The following AOAH variants were observed in gnomAD, a reference collection of about 807,000 sequenced individuals.
The protein encoded by AOAH is acyloxyacyl hydrolase, also known as acyloxyacyl hydrolase (neutrophil).
AOAH carries 64 observed loss-of-function variants against 92.2 expected under a neutral mutation model. The ratio of observed to expected loss-of-function variants is 0.69; its 90% CI spans 0.57 to 0.86. The LOEUF is 0.86. Ranked by LOEUF, AOAH falls within the 40% of genes least tolerant of loss-of-function variation. AOAH has a pLI of 0.00. For synonymous variants in AOAH, 263 were observed against 254.5 expected (o/e 1.03, Z -0.32); for missense variants, 656 against 694.6 (o/e 0.94, Z 0.62).
chr7:36,550,225 CGT>C, intron 13 of AOAH: 1 of 152,204 alleles, frequency 6.6e-6, no homozygotes, highest in Non-Finnish European at 1.5e-5. Context: ...GGCGTGGTGG[CGT>C]GCGCCTGTAA....
At chr7:36,577,565 C>T (rs933523340) in intron 12 of AOAH, among the ~76,000 whole-genome samples, 5 of 152,084 alleles carry the variant, frequency 3.3e-5, no homozygotes, top group African/African-American at 4.8e-5. Flanking sequence ...ACAGAGCTTA[C>T]GGAAAAATTT....
At chr7:36,637,742 T>C in intron 5 of AOAH, 109 bp downstream of exon 5, 1 of 959,204 alleles carries the variant, frequency 1.0e-6, no homozygotes, top group Middle Eastern at 2.1e-4. Context: ...CTATGGCATG[T>C]TGCAGGCTTA....
chr7:36,578,038 A>G (rs747258801), intron 12 of AOAH, among the ~76,000 whole-genome samples: 1 of 152,176 alleles, frequency 6.6e-6, no homozygotes, highest in Non-Finnish European at 1.5e-5. Flanking sequence ...GAGAAAACCA[A>G]TGATAGTGTT....
At chr7:36,577,731 T>C (rs1189689131) in intron 12 of AOAH, among the ~76,000 whole-genome samples, 1 of 152,236 alleles carries the variant, frequency 6.6e-6, no homozygotes, top group Non-Finnish European at 1.5e-5. Context: ...AAATGTTATG[T>C]TCTCTAAACT....
Position 36,616,370 on chromosome 7 carries a change from A to C in AOAH, c.846+10T>G. On this transcript the variant is annotated intron_variant, in intron 11 of 20. Transcript: ENST00000617537. ...GCACATCTGGAATGATTACTGCCAA[A>C]ATTACTTACCAAAGACATCTGCGAC... 1 of 1,610,656 alleles carries C rather than the reference A, an allele frequency of 6.2e-7. No individual in the cohort carries two copies. Among genetic ancestry groups the C allele is most frequent in the South Asian group, 1.1e-5 (1 of 90,896 alleles).
At chr7:36,619,657 T>G (rs932191528) in intron 9 of AOAH, among the ~76,000 whole-genome samples, 2 of 152,198 alleles carry the variant, frequency 1.3e-5, no homozygotes, top group African/African-American at 4.8e-5. Context: ...GGGGCACAGC[T>G]GTCTCTCATG....
At position 36,576,634 on chromosome 7, in the gene AOAH, G is replaced by A; in HGVS notation, c.961C>T (p.Leu321Phe). The stretch of plus-strand genomic sequence containing the variant: ...CAGTGGTTTCTTTTCCATAAGCGAA[G>A]GTAAATAGATTTTTCTTTAATTCTG... ...TVGIKEKSIY[L>F]RLWKRNHCNH... Residue 321 changes from leucine to phenylalanine, a missense_variant, in exon 13 of 21, where the codon CTT (leucine) becomes TTT (phenylalanine). Leu to Phe is a conservative substitution (Grantham distance 22). Transcript: ENST00000617537. The A allele has an allele frequency of 6.4e-7, 1 of 1,567,034 alleles. No individual in the cohort carries two copies. The highest frequency in any genetic ancestry group is 8.7e-7 in the Non-Finnish European group (1 of 1,148,316).
At chr7:36,654,717 G>A (rs1288825387) in intron 4 of AOAH, among the ~76,000 whole-genome samples, 2 of 152,160 alleles carry the variant, frequency 1.3e-5, no homozygotes, top group Non-Finnish European at 2.9e-5. Flanking sequence ...GACATAGAGC[G>A]TGCAGAGTCC....
chr7:36,693,563 G>GT (rs2116836728), intron 1 of AOAH, among the ~76,000 whole-genome samples: 1 of 152,068 alleles, frequency 6.6e-6, no homozygotes, highest in South Asian at 2.1e-4. Flanking sequence ...GATCAATAAA[G>GT]TATTAGTATT....
At chr7:36,589,513 C>G (rs1302889347) in intron 12 of AOAH, among the ~76,000 whole-genome samples, 6 of 152,206 alleles carry the variant, frequency 3.9e-5, no homozygotes, top group Non-Finnish European at 8.8e-5. Context: ...AGGAGCATCT[C>G]TCTTGAACAA....
chr7:36,608,325 T>C (rs1177594077), intron 11 of AOAH, among the ~76,000 whole-genome samples: 1 of 152,226 alleles, frequency 6.6e-6, no homozygotes, highest in Non-Finnish European at 1.5e-5. Context: ...TCAACTCTTC[T>C]GGACCTTTGA....
chr7:36,586,012 C>T (rs1389335008), intron 12 of AOAH, among the ~76,000 whole-genome samples: 2 of 152,098 alleles, frequency 1.3e-5, no homozygotes, highest in Non-Finnish European at 2.9e-5. Context: ...GGGAGAGTCC[C>T]TCCACCAGGA....
chr7:36,657,582 C>T (rs1411840232), intron 4 of AOAH, among the ~76,000 whole-genome samples: 2 of 151,974 alleles, frequency 1.3e-5, no homozygotes, highest in Admixed American at 6.6e-5. Context: ...GAGGGGGACC[C>T]GAGGCAGAGG....
In AOAH at chr7:36,676,207, A is replaced by T. The variant is rs557983376; in HGVS notation, c.224-2198T>A. On this transcript the variant is annotated intron_variant, in intron 2 of 20. Transcript: ENST00000617537. Reference sequence around the variant, plus strand: ...GTGGCTGATATGATCTTCCATGTAGAAAATCCTAAGGAATCTATTAAAAAC... The same window carrying T: ...GTGGCTGATATGATCTTCCATGTAGTAAATCCTAAGGAATCTATTAAAAAC... Among the ~76,000 whole-genome samples, 33 of 152,354 alleles carry T rather than the reference A, an allele frequency of 2.2e-4. No homozygotes were observed. In the South Asian group the frequency reaches 5.6e-3, roughly 26 times the overall value.
chr7:36,548,584 T>C, intron 15 of AOAH, 28 bp downstream of exon 15: 3 of 1,599,188 alleles, frequency 1.9e-6, no homozygotes, highest in Non-Finnish European at 2.6e-6. Flanking sequence ...CCAAAGAATC[T>C]TGAAAATACT....
At chr7:36,612,969 A>G (rs1480942431) in intron 11 of AOAH, among the ~76,000 whole-genome samples, 2 of 151,916 alleles carry the variant, frequency 1.3e-5, no homozygotes, top group Non-Finnish European at 2.9e-5. Context: ...TTCTCTTTTA[A>G]TTTTGTGAAT....
At chr7:36,522,385 G>A (rs976087229) in intron 19 of AOAH, among the ~76,000 whole-genome samples, 4 of 152,206 alleles carry the variant, frequency 2.6e-5, no homozygotes, top group Non-Finnish European at 5.9e-5. Context: ...GAAAAGGTGA[G>A]CTCTAAAATA....
At chr7:36,659,138 C>G (rs763483682) in intron 4 of AOAH, 28 bp downstream of exon 4, 3 of 1,564,302 alleles carry the variant, frequency 1.9e-6, no homozygotes, top group Non-Finnish European at 2.6e-6. Context: ...TCCCTGGAAA[C>G]AGATGTTCAG....
chr7:36,522,069 G>A lies in AOAH; in HGVS notation c.1569C>T (p.Ile523=), dbSNP rs763295900. The part of the protein sequence containing the change: ...QKRGGQPWQL[I]EPVDGFHPNE... Reference sequence around the variant, plus strand: ...TGGGGTGGAATCCATCCACGGGCTCGATGAGCTGCCAGGGCTGTCCGCCTC... The same window carrying A: ...TGGGGTGGAATCCATCCACGGGCTCAATGAGCTGCCAGGGCTGTCCGCCTC... The change falls in exon 20 of 21, where the codon ATC becomes ATT. Residue 523 remains isoleucine (I), a synonymous_variant. Coordinates refer to ENST00000617537, the MANE Select transcript of AOAH (RefSeq NM_001637.4). 1.1e-5 allele frequency: 18 copies of A among 1,614,082 alleles called. No homozygotes were observed. The highest frequency in any genetic ancestry group is 1.7e-5 in the Admixed American group (1 of 60,008).
Sources: gnomAD v4.1 joint callset for allele counts (sites outside exome capture counted in the v4.1 genomes callset) on GRCh38, gnomAD v4.1.1 for gene constraint, MANE v1.5 for transcripts, NCBI Gene and HGNC (gene_info 2026-07-23, HGNC 2026-07-21) for gene names.